The following MYO16 variants were observed in gnomAD, a reference collection of about 807,000 sequenced individuals.
The protein encoded by MYO16 is unconventional myosin-XVI.
Under a neutral mutation model 205.3 loss-of-function variants are expected in MYO16, and 94 were observed. The ratio of observed to expected loss-of-function variants is 0.46; its 90% CI spans 0.39 to 0.54. The LOEUF is 0.54. MYO16 is among the 20% of genes least tolerant of loss of function. MYO16 has a pLI of 0.00. For missense variants in MYO16, 2,315 were observed against 2,387.5 expected (o/e 0.97, Z 0.63); for synonymous variants, 988 against 954.0 (o/e 1.04, Z -0.66).
intron 23 of MYO16, among the ~76,000 whole-genome samples, chr13:109,044,339 G>C (rs772908198): frequency 3.9e-5 from 6 of 152,170 alleles, no homozygotes; most frequent in Non-Finnish European, 7.4e-5. Context: ...TAGGCTATTA[G>C]AGATGAGAGT....
intron 2 of MYO16, among the ~76,000 whole-genome samples, chr13:108,702,483 T>C (rs1488574686): frequency 6.6e-6 from 1 of 152,158 alleles, no homozygotes; most frequent in African/African-American, 2.4e-5. Context: ...TATTAGGACA[T>C]TCATTGCAAA....
the MYO16 span, among the ~76,000 whole-genome samples, chr13:108,568,224 C>T: frequency 6.6e-6 from 1 of 152,096 alleles, no homozygotes; most frequent in East Asian, 1.9e-4. Flanking sequence ...TCTATGAGTG[C>T]AATTGCTGGG....
At chr13:108,868,164 A>G (rs2139129631) in intron 12 of MYO16, among the ~76,000 whole-genome samples, 1 of 152,320 alleles carries the variant, frequency 6.6e-6, no homozygotes, top group Admixed American at 6.5e-5. Context: ...TTTTGTTGGA[A>G]AGAGTGGAAT....
chr13:108,662,963 C>T (rs1881569673), intron 1 of MYO16, among the ~76,000 whole-genome samples: 1 of 152,174 alleles, frequency 6.6e-6, no homozygotes, highest in African/African-American at 2.4e-5. Context: ...TTGCTCAGCC[C>T]TCTAACTTGA....
intron 4 of MYO16, among the ~76,000 whole-genome samples, chr13:108,752,544 G>T (rs112974154): frequency 0.034 from 5,128 of 152,178 alleles, 282 homozygotes; most frequent in African/African-American, 0.12. Flanking sequence ...TTAACCCACT[G>T]CTCATTGACA....
intron 16 of MYO16, among the ~76,000 whole-genome samples, chr13:108,956,217 C>T (rs946581400): frequency 1.2e-4 from 19 of 152,136 alleles, no homozygotes; most frequent in Admixed American, 5.2e-4. Flanking sequence ...CCGCAATCCA[C>T]CCTGTTTTCC....
At chr13:109,156,103 G>T (rs1878007096) in intron 32 of MYO16, among the ~76,000 whole-genome samples, 1 of 152,200 alleles carries the variant, frequency 6.6e-6, no homozygotes, top group Non-Finnish European at 1.5e-5. Context: ...GGGTTTCAGA[G>T]AAATCTATAT....
At chr13:108,874,696 C>CATCATTATTATT (rs1555307948) in intron 12 of MYO16, among the ~76,000 whole-genome samples, 264 of 106,836 alleles carry the variant, frequency 2.5e-3, no homozygotes, top group Middle Eastern at 6.7e-3. Flanking sequence ...TCATCATCAT[C>CATCATTATTATT]ATTATTATTA....
At chr13:109,165,607 G>A (rs10220137) in intron 33 of MYO16, among the ~76,000 whole-genome samples, 104,132 of 152,000 alleles carry the variant, frequency 0.69, 37,457 homozygotes, top group Non-Finnish European at 0.82. Flanking sequence ...AGGGCCTCCC[G>A]CAGGGCTGGG....
intron 1 of MYO16, among the ~76,000 whole-genome samples, chr13:108,613,366 C>A (rs1926518): frequency 0.25 from 37,550 of 151,946 alleles, 4,835 homozygotes; most frequent in East Asian, 0.45. Context: ...TTTATCTTTA[C>A]TTGTCTCCTC....
At chr13:108,589,343 T>C in the MYO16 span, among the ~76,000 whole-genome samples, 36,775 of 152,084 alleles carry the variant, frequency 0.24, 4,670 homozygotes, top group East Asian at 0.39. Context: ...ACAATTTAAC[T>C]TCTCATATTT....
chr13:108,625,321 C>A (rs1879693045), upstream of MYO16, among the ~76,000 whole-genome samples: 1 of 152,136 alleles, frequency 6.6e-6, no homozygotes, highest in Non-Finnish European at 1.5e-5. Flanking sequence ...AGATCAGGGA[C>A]TTTATGAGAG....
intron 32 of MYO16, among the ~76,000 whole-genome samples, chr13:109,158,095 C>T (rs1878164067): frequency 6.6e-6 from 1 of 152,140 alleles, no homozygotes; most frequent in Admixed American, 6.5e-5. Context: ...CACCCCTCTT[C>T]CTTTCTTCTT....
chr13:108,616,476 G>T (rs541373859), intron 1 of MYO16, among the ~76,000 whole-genome samples: 2 of 151,974 alleles, frequency 1.3e-5, no homozygotes, highest in African/African-American at 4.8e-5. Context: ...GCTCTTCCTC[G>T]GCCGTTTAGT....
chr13:108,647,575 T>TTTTTTTCTCAACTTAAAATTGAGAAA, intron 1 of MYO16, among the ~76,000 whole-genome samples: 1 of 152,142 alleles, frequency 6.6e-6, no homozygotes, highest in Non-Finnish European at 1.5e-5. Flanking sequence ...CTTTTTTCCA[T>TTTTTTTCTCAACTTAAAATTGAGAAA]TTTTTTCTCA....
intron 22 of MYO16, among the ~76,000 whole-genome samples, chr13:109,009,739 C>A (rs1885528742): frequency 6.6e-6 from 1 of 152,198 alleles, no homozygotes; most frequent in Non-Finnish European, 1.5e-5. Flanking sequence ...ATTCTTTACT[C>A]TCTTTCCATA....
chr13:108,974,153 T>C (rs1884165001), intron 20 of MYO16, among the ~76,000 whole-genome samples: 1 of 152,236 alleles, frequency 6.6e-6, no homozygotes, highest in African/African-American at 2.4e-5. Flanking sequence ...GTTTGTATAC[T>C]ATTAGTTTTT....
Position 108,686,124 on chromosome 13 carries a change from G to A in MYO16, c.292+19975G>A, listed in dbSNP as rs556986766. ...CTCTAAGAATTCTCCAGTAGGCTGA[G>A]GGGTAGTCCTCATCCAGGCAGAGTT... is the stretch of plus-strand genomic sequence containing the variant. On this transcript the variant is annotated intron_variant, in intron 2 of 34. Coordinates refer to ENST00000457511, the MANE Select transcript of MYO16 (RefSeq NM_001198950.3). Among the ~76,000 whole-genome samples the A allele has an allele frequency of 8.5e-5, 13 of 152,320 alleles. No individual in the cohort carries two copies. In the East Asian group the frequency reaches 2.3e-3, roughly 27 times the overall value.
chr13:109,099,364 A>G (rs1175498115), intron 27 of MYO16, among the ~76,000 whole-genome samples: 1 of 152,250 alleles, frequency 6.6e-6, no homozygotes. Flanking sequence ...CACTAACATG[A>G]TGTATAGCAT....
Sources: gnomAD v4.1 joint callset for allele counts (sites outside exome capture counted in the v4.1 genomes callset) on GRCh38, gnomAD v4.1.1 for gene constraint, MANE v1.5 for transcripts, NCBI Gene and HGNC (gene_info 2026-07-23, HGNC 2026-07-21) for gene names.